The following BTBD9 variants were observed in gnomAD, a reference collection of about 807,000 sequenced individuals.
BTBD9 encodes the protein BTB/POZ domain-containing protein 9.
Under a neutral mutation model 64.3 loss-of-function variants are expected in BTBD9, and 49 were observed. The observed-to-expected ratio is 0.76, with a 90% confidence interval of 0.61 to 0.97. The LOEUF (loss-of-function observed/expected upper bound fraction) is 0.97. Among genes scored for constraint, BTBD9 ranks in the 50% least tolerant of loss-of-function variants. BTBD9 has a pLI of 0.00. For synonymous variants in BTBD9, 260 were observed against 274.7 expected (o/e 0.95, Z 0.53); for missense variants, 598 against 762.1 (o/e 0.78, Z 2.53).
intron 6 of BTBD9, among the ~76,000 whole-genome samples, chr6:38,531,739 T>A (rs934210865): frequency 6.6e-6 from 1 of 152,238 alleles, no homozygotes; most frequent in African/African-American, 2.4e-5. Flanking sequence ...GTTTTCTCTA[T>A]GTTTGTGTAT....
intron 6 of BTBD9, among the ~76,000 whole-genome samples, chr6:38,411,011 C>T (rs1324122478): frequency 1.3e-5 from 2 of 152,104 alleles, no homozygotes; most frequent in Non-Finnish European, 2.9e-5. Context: ...GGTAGTTCTA[C>T]TTGAATATCC....
chr6:38,241,720 T>A (rs1410630265), intron 9 of BTBD9, among the ~76,000 whole-genome samples: 1 of 152,218 alleles, frequency 6.6e-6, no homozygotes, highest in African/African-American at 2.4e-5. Context: ...ACATTCCATT[T>A]CAAGGGATGG....
chr6:38,388,079 G>A (rs1239757615), intron 6 of BTBD9, among the ~76,000 whole-genome samples: 1 of 152,068 alleles, frequency 6.6e-6, no homozygotes, highest in Non-Finnish European at 1.5e-5. Context: ...AAAAAATGAT[G>A]GAATAAGTAA....
intron 9 of BTBD9, among the ~76,000 whole-genome samples, chr6:38,250,134 G>A (rs1451837926): frequency 5.3e-5 from 8 of 152,098 alleles, no homozygotes; most frequent in African/African-American, 1.9e-4. Flanking sequence ...GGGGCCCAAG[G>A]TCAATATCTT....
intron 7 of BTBD9, among the ~76,000 whole-genome samples, chr6:38,338,858 T>A (rs780555433): frequency 2.6e-5 from 4 of 152,154 alleles, no homozygotes; most frequent in Non-Finnish European, 5.9e-5. Flanking sequence ...CTTAAACATA[T>A]GAAAAGATGC....
intron 6 of BTBD9, among the ~76,000 whole-genome samples, chr6:38,576,135 T>C (rs980286159): frequency 2.0e-5 from 3 of 152,166 alleles, no homozygotes; most frequent in Non-Finnish European, 4.4e-5. Flanking sequence ...CTTCAGTCCA[T>C]ATCAGACGCT....
chr6:38,232,355 C>T (rs1040522035), intron 9 of BTBD9, among the ~76,000 whole-genome samples: 3 of 151,790 alleles, frequency 2.0e-5, no homozygotes, highest in South Asian at 4.2e-4. Context: ...ACTGCAAGCT[C>T]TGCCTCCCGG....
At chr6:38,588,692 C>T (rs1057328442) in intron 4 of BTBD9, among the ~76,000 whole-genome samples, 7 of 152,156 alleles carry the variant, frequency 4.6e-5, no homozygotes, top group African/African-American at 1.7e-4. Flanking sequence ...AACACAAAGA[C>T]CAAAATCAAA....
intron 9 of BTBD9, among the ~76,000 whole-genome samples, chr6:38,241,206 C>T (rs373834168): frequency 5.3e-5 from 8 of 152,260 alleles, no homozygotes; most frequent in Non-Finnish European, 7.4e-5. Context: ...GAAAAAAGAA[C>T]GATATAAACA....
At chr6:38,479,721 T>A (rs1771046369) in intron 6 of BTBD9, among the ~76,000 whole-genome samples, 1 of 152,138 alleles carries the variant, frequency 6.6e-6, no homozygotes, top group South Asian at 2.1e-4. Flanking sequence ...ACTAAAATCT[T>A]TTTTTATTTT....
intron 6 of BTBD9, among the ~76,000 whole-genome samples, chr6:38,364,558 C>A (rs112536274): frequency 2.0e-5 from 3 of 152,254 alleles, no homozygotes; most frequent in African/African-American, 7.2e-5. Flanking sequence ...AACACTTAAG[C>A]AATTCAATCC....
chr6:38,431,446 T>C (rs778254037), intron 6 of BTBD9, among the ~76,000 whole-genome samples: 25 of 152,270 alleles, frequency 1.6e-4, no homozygotes, highest in Admixed American at 5.2e-4. Flanking sequence ...GATGAGGAAA[T>C]TGAAATAATT....
At chr6:38,433,055 TA>T (rs1463429116) in intron 6 of BTBD9, among the ~76,000 whole-genome samples, 1 of 151,992 alleles carries the variant, frequency 6.6e-6, no homozygotes, top group Admixed American at 6.5e-5. Flanking sequence ...AAGATAGCCC[TA>T]TATGATCAGG....
chr6:38,227,644 G>A (rs370161398), intron 9 of BTBD9, among the ~76,000 whole-genome samples: 5 of 152,058 alleles, frequency 3.3e-5, no homozygotes, highest in Admixed American at 2.6e-4. Flanking sequence ...AGAAGGTCAC[G>A]GCTGCATATC....
At chr6:38,279,222 A>C (rs1561964077) in intron 8 of BTBD9, among the ~76,000 whole-genome samples, 1 of 152,110 alleles carries the variant, frequency 6.6e-6, no homozygotes, top group South Asian at 2.1e-4. Flanking sequence ...TAGATATACA[A>C]GCATGTTTTG....
intron 1 of BTBD9, among the ~76,000 whole-genome samples, chr6:38,637,662 T>G (rs189873886): frequency 5.9e-5 from 9 of 152,262 alleles, no homozygotes; most frequent in Admixed American, 1.3e-4. Context: ...AAATTTCCAA[T>G]ACAATGGCCC....
intron 6 of BTBD9, among the ~76,000 whole-genome samples, chr6:38,510,020 C>G (rs1221810190): frequency 6.6e-6 from 1 of 152,208 alleles, no homozygotes; most frequent in Non-Finnish European, 1.5e-5. Context: ...TTGGCTTTGT[C>G]TCCCAGCACT....
intron 9 of BTBD9, among the ~76,000 whole-genome samples, chr6:38,243,379 A>G (rs1764075185): frequency 6.6e-6 from 1 of 152,224 alleles, no homozygotes; most frequent in Non-Finnish European, 1.5e-5. Context: ...GTCCCTGTAC[A>G]GGGATTAAGA....
chr6:38,257,971 TAA>T (rs983213530), intron 8 of BTBD9, among the ~76,000 whole-genome samples: 1 of 147,962 alleles, frequency 6.8e-6, no homozygotes, highest in Non-Finnish European at 1.5e-5. Flanking sequence ...ATTCCTCCAT[TAA>T]AAAAAAAATA....
Sources: gnomAD v4.1 joint callset for allele counts (sites outside exome capture counted in the v4.1 genomes callset) on GRCh38, gnomAD v4.1.1 for gene constraint, MANE v1.5 for transcripts, NCBI Gene and HGNC (gene_info 2026-07-23, HGNC 2026-07-21) for gene names.